SLC1A1: variants seen among roughly 807,000 people sequenced by gnomAD.
The protein encoded by SLC1A1 is solute carrier family 1 member 1.
A neutral mutation model predicts 53.3 loss-of-function variants in SLC1A1; 43 were observed. That is an observed-to-expected ratio of 0.81 (90% confidence interval 0.63 to 1.04). SLC1A1 has a LOEUF of 1.04. Ranked by LOEUF, SLC1A1 falls within the 50% of genes least tolerant of loss-of-function variation. The probability of loss-of-function intolerance (pLI) is 0.00; values close to 1 mark genes in which losing one functional copy is unlikely to be tolerated. For synonymous variants in SLC1A1, 307 were observed against 243.2 expected (o/e 1.26, Z -2.44); for missense variants, 748 against 664.9 (o/e 1.12, Z -1.37).
At chr9:4,520,242 T>G (rs931294719) in intron 1 of SLC1A1, among the ~76,000 whole-genome samples, 15 of 152,156 alleles carry the variant, frequency 9.9e-5, no homozygotes, top group Non-Finnish European at 1.6e-4. Context: ...AAGTGGAAGT[T>G]TGAGCAAAAT....
chr9:4,585,357 G>A lies in SLC1A1; in HGVS notation c.1374G>A (p.Gly458=), dbSNP rs1821495293. The A allele has an allele frequency of 6.2e-7, 1 of 1,614,178 alleles. No individual in the cohort carries two copies. Among genetic ancestry groups the A allele is most frequent in the South Asian group, 1.1e-5 (1 of 91,080 alleles). Residue 458 remains glycine (G), a synonymous_variant, in exon 12 of 12, where the codon GGG becomes GGA. Coordinates refer to ENST00000262352, the MANE Select transcript of SLC1A1 (RefSeq NM_004170.6). ...TMVNVLGDAF[G]TGIVEKLSKK... ...TCAACGTCCTTGGTGATGCTTTTGG[G>A]ACGGGCATTGTGGAAAAGCTCTCCA...
At chr9:4,492,635 C>A (rs1820277005) in intron 1 of SLC1A1, among the ~76,000 whole-genome samples, 1 of 151,830 alleles carries the variant, frequency 6.6e-6, no homozygotes, top group Non-Finnish European at 1.5e-5. Context: ...GCCATCTCTA[C>A]AAAAAAGTAC....
In SLC1A1 at chr9:4,576,781, A is replaced by G; in HGVS notation, c.1193+18A>G. On this transcript the variant is annotated intron_variant, in intron 10 of 11. Coordinates refer to ENST00000262352, the MANE Select transcript of SLC1A1 (RefSeq NM_004170.6). ...ACCATCAGGTGGGGCATGGTGTCAC[A>G]TTCATTGTCATCACTGATACAGGGA... is the stretch of plus-strand genomic sequence containing the variant. 1 of 1,606,508 alleles carries G rather than the reference A, an allele frequency of 6.2e-7. No homozygotes were observed. Among genetic ancestry groups the G allele is most frequent in the Non-Finnish European group, 8.5e-7 (1 of 1,173,702 alleles).
intron 1 of SLC1A1, among the ~76,000 whole-genome samples, chr9:4,523,774 T>C (rs1288069222): frequency 6.6e-6 from 1 of 152,254 alleles, no homozygotes; most frequent in East Asian, 1.9e-4. Flanking sequence ...ACTTTACATA[T>C]AGTCTCATTT....
At chr9:4,578,440 G>C (rs1564064799) in intron 10 of SLC1A1, among the ~76,000 whole-genome samples, 1 of 152,200 alleles carries the variant, frequency 6.6e-6, no homozygotes. Flanking sequence ...GACGTAGGGA[G>C]AGTTTGCAGA....
chr9:4,535,140 A>C (rs888271117), intron 1 of SLC1A1, among the ~76,000 whole-genome samples: 3 of 152,172 alleles, frequency 2.0e-5, no homozygotes, highest in Non-Finnish European at 4.4e-5. Context: ...CCCTTTGAAA[A>C]TTGGCACAAG....
At chr9:4,495,258 A>T (rs1820376598) in intron 1 of SLC1A1, among the ~76,000 whole-genome samples, 1 of 152,164 alleles carries the variant, frequency 6.6e-6, no homozygotes, top group Admixed American at 6.5e-5. Context: ...TTGGCTCAGC[A>T]GTGTTTAGGA....
At chr9:4,523,560 C>A (rs975155811) in intron 1 of SLC1A1, among the ~76,000 whole-genome samples, 1 of 152,152 alleles carries the variant, frequency 6.6e-6, no homozygotes, top group African/African-American at 2.4e-5. Context: ...TTAATTTGGT[C>A]ATACCAAAAA....
chr9:4,512,211 G>C (rs910650370), intron 1 of SLC1A1, among the ~76,000 whole-genome samples: 1 of 152,128 alleles, frequency 6.6e-6, no homozygotes, highest in African/African-American at 2.4e-5. Context: ...CAGACAAGCT[G>C]ATTCTAAAAT....
At chr9:4,496,986 G>A (rs956547550) in intron 1 of SLC1A1, among the ~76,000 whole-genome samples, 2 of 152,132 alleles carry the variant, frequency 1.3e-5, no homozygotes, top group African/African-American at 4.8e-5. Context: ...AAGACAGTGT[G>A]AAATGGAGGG....
At chr9:4,497,824 G>A (rs905490237) in intron 1 of SLC1A1, among the ~76,000 whole-genome samples, 12 of 152,036 alleles carry the variant, frequency 7.9e-5, no homozygotes, top group Admixed American at 1.3e-4. Context: ...TTTTAAAAAA[G>A]TATATCTGAT....
chr9:4,534,464 G>A (rs559214818), intron 1 of SLC1A1, among the ~76,000 whole-genome samples: 69 of 152,256 alleles, frequency 4.5e-4, no homozygotes, highest in South Asian at 1.7e-3. Context: ...AAATCTAGAA[G>A]AAATGGATAA....
chr9:4,541,403 CGTTT>C (rs1564019257), intron 1 of SLC1A1, among the ~76,000 whole-genome samples: 1 of 152,144 alleles, frequency 6.6e-6, no homozygotes. Context: ...CAATTTAGTT[CGTTT>C]GTTTTCTTTT....
intron 1 of SLC1A1, among the ~76,000 whole-genome samples, chr9:4,528,960 C>CAGGTA (rs1260641413): frequency 8.5e-5 from 13 of 152,226 alleles, no homozygotes; most frequent in Middle Eastern, 3.4e-3. Context: ...TGGTAGGTAT[C>CAGGTA]ACCATCCACC....
chr9:4,548,415 C>T (rs954511755), intron 2 of SLC1A1, among the ~76,000 whole-genome samples: 7 of 151,926 alleles, frequency 4.6e-5, no homozygotes, highest in South Asian at 2.1e-4. Flanking sequence ...CCTAAGGATA[C>T]GTAAATTAGA....
chr9:4,565,729 T>C (rs1819423299), intron 4 of SLC1A1, among the ~76,000 whole-genome samples: 1 of 152,150 alleles, frequency 6.6e-6, no homozygotes, highest in South Asian at 2.1e-4. Context: ...TACAACCTCA[T>C]TGATGAAAAC....
chr9:4,515,909 C>G (rs1356706068), intron 1 of SLC1A1, among the ~76,000 whole-genome samples: 1 of 152,176 alleles, frequency 6.6e-6, no homozygotes, highest in Non-Finnish European at 1.5e-5. Flanking sequence ...GCACTAGATC[C>G]TCCACCCTCT....
intron 1 of SLC1A1, among the ~76,000 whole-genome samples, chr9:4,507,266 T>C (rs906255847): frequency 6.6e-6 from 1 of 151,372 alleles, no homozygotes; most frequent in Non-Finnish European, 1.5e-5. Context: ...ATTCCAAGAG[T>C]AAACAAAATC....
chr9:4,508,237 G>C (rs966926295), intron 1 of SLC1A1, among the ~76,000 whole-genome samples: 1 of 152,162 alleles, frequency 6.6e-6, no homozygotes, highest in African/African-American at 2.4e-5. Context: ...AGAATAAAGA[G>C]AGTCAACCAC....
Sources: allele counts gnomAD v4.1 joint callset (sites outside exome capture counted in the v4.1 genomes callset), GRCh38; gene constraint gnomAD v4.1.1; transcripts MANE v1.5; gene names NCBI Gene and HGNC (gene_info 2026-07-23, HGNC 2026-07-21).